RAD54L2: variants seen among roughly 807,000 people sequenced by gnomAD.
RAD54L2 encodes helicase ARIP4.
Under a neutral mutation model 138.4 loss-of-function variants are expected in RAD54L2, and 27 were observed. The ratio of observed to expected loss-of-function variants is 0.20; its 90% CI spans 0.14 to 0.27. RAD54L2 has a LOEUF of 0.27. Among genes scored for constraint, RAD54L2 ranks in the 10% least tolerant of loss-of-function variants. RAD54L2 has a pLI of 1.00. For synonymous variants in RAD54L2, 644 were observed against 723.2 expected, an observed-to-expected ratio of 0.89 and a Z score of 1.76; for missense variants, 1,396 against 1,890.2, an observed-to-expected ratio of 0.74 and a Z score of 4.85.
At chr3:51,591,683 A>G (rs1699844065) in intron 3 of RAD54L2, among the ~76,000 whole-genome samples, 1 of 152,202 alleles carries the variant, frequency 6.6e-6, no homozygotes, top group Non-Finnish European at 1.5e-5. Context: ...TAGAATGAAT[A>G]GAAATAATGG....
chr3:51,576,019 T>C (rs1252692065), intron 2 of RAD54L2, among the ~76,000 whole-genome samples: 2 of 152,178 alleles, frequency 1.3e-5, no homozygotes, highest in African/African-American at 4.8e-5. Context: ...TGAGATATGT[T>C]CCATCAATAC....
At chr3:51,620,023 G>A (rs1278078924) in intron 3 of RAD54L2, among the ~76,000 whole-genome samples, 1 of 152,126 alleles carries the variant, frequency 6.6e-6, no homozygotes, top group Non-Finnish European at 1.5e-5. Context: ...CACAGACATC[G>A]TAGCTTGTAG....
intron 19 of RAD54L2, among the ~76,000 whole-genome samples, chr3:51,651,886 A>T (rs776370993): frequency 6.6e-6 from 1 of 152,212 alleles, no homozygotes; most frequent in Non-Finnish European, 1.5e-5. Flanking sequence ...CAAGACTGGG[A>T]TGCTCTCTCT....
Position 51,639,540 on chromosome 3 carries a change from G to C in RAD54L2, c.1982G>C (p.Gly661Ala), listed in dbSNP as rs1701072989. The part of the protein sequence containing the change: ...AGTSARCPPQ[G>A]TKGKGEDSTL... ...ACCAGTGCCCGCTGTCCACCACAGG[G>C]AACAAAAGGCAAGGGAGAGGATAGC... Residue 661 changes from glycine (G) to alanine (A), a missense_variant, in exon 13 of 23, where the codon GGA becomes GCA. Gly to Ala is a moderately conservative substitution (Grantham distance 60, BLOSUM62 0). Transcript: ENST00000684192. The C allele has an allele frequency of 3.7e-6, 6 of 1,613,980 alleles. No homozygotes were observed. Among genetic ancestry groups the C allele is most frequent in the South Asian group, 1.1e-5 (1 of 91,078 alleles).
At chr3:51,651,136 C>T (rs1466406179) in intron 19 of RAD54L2, among the ~76,000 whole-genome samples, 1 of 152,146 alleles carries the variant, frequency 6.6e-6, no homozygotes, top group Non-Finnish European at 1.5e-5. Context: ...TACAAACTAG[C>T]ATCAGAGAAT....
chr3:51,642,102 C>T (rs549792354), intron 15 of RAD54L2, among the ~76,000 whole-genome samples: 2 of 152,284 alleles, frequency 1.3e-5, no homozygotes, highest in East Asian at 3.9e-4. Flanking sequence ...TCCTTCTCTT[C>T]ATCTGAGATG....
At chr3:51,608,726 T>C (rs374586430) in intron 3 of RAD54L2, among the ~76,000 whole-genome samples, 8 of 152,142 alleles carry the variant, frequency 5.3e-5, no homozygotes, top group East Asian at 1.9e-4. Flanking sequence ...CTCGGCAGGC[T>C]GAGGCAGGAG....
rs768354274 is a variant in RAD54L2, at chr3:51,626,436, CTT to C, written c.140-1092_140-1091del. On this transcript the variant is annotated intron_variant, in intron 3 of 22. Transcript: ENST00000684192. ...TGACATCCCCTGGACCCCCAACGATCTTTTTTTTTTTTTTTTTTTTTTTTTTA... is the reference window on the plus strand; with the variant it reads ...TGACATCCCCTGGACCCCCAACGATCTTTTTTTTTTTTTTTTTTTTTTTTA... 2.1e-3 allele frequency among the ~76,000 whole-genome samples: 83 copies of C among 39,392 alleles called. 2 individuals are homozygous for C. The highest frequency in any genetic ancestry group is 5.9e-3 in the South Asian group (4 of 678). The allele number at this position is 39,392 out of a possible 152,430, so 25.8% of individuals were successfully genotyped here.
chr3:51,589,794 G>A (rs886230488), intron 2 of RAD54L2, among the ~76,000 whole-genome samples: 1 of 151,786 alleles, frequency 6.6e-6, no homozygotes, highest in African/African-American at 2.4e-5. Context: ...TGAACAAATG[G>A]GATTTCCAAG....
intron 15 of RAD54L2, among the ~76,000 whole-genome samples, chr3:51,642,892 C>A (rs1247804117): frequency 6.6e-6 from 1 of 152,204 alleles, no homozygotes; most frequent in East Asian, 1.9e-4. Flanking sequence ...GACATAGAAC[C>A]CCAGTACCAA....
Position 51,662,633 on chromosome 3 carries a change from C to T in RAD54L2, c.3617C>T (p.Pro1206Leu), listed in dbSNP as rs778374077. 1.3e-5 allele frequency: 21 copies of T among 1,612,190 alleles called. No individual in the cohort carries two copies. The highest frequency in any genetic ancestry group is 7.7e-5 in the South Asian group (7 of 90,794). ...PSTNAALPGPPAQLMDSSAVP... is the reference protein window; with the variant it reads ...PSTNAALPGPLAQLMDSSAVP... ...ACCAATGCCGCCCTGCCTGGCCCCCCGGCCCAACTTATGGACAGCAGTGCT... is the reference window on the plus strand; with the variant it reads ...ACCAATGCCGCCCTGCCTGGCCCCCTGGCCCAACTTATGGACAGCAGTGCT... The change falls in exon 23 of 23, where the codon CCG (proline) becomes CTG (leucine). Residue 1206 changes from proline to leucine, a missense_variant. Pro to Leu is a moderately conservative substitution (Grantham distance 98). Transcript: ENST00000684192. The surrounding 1 kb of genome is among the most constrained non-coding windows in gnomAD (Gnocchi z 4.6).
intron 2 of RAD54L2, among the ~76,000 whole-genome samples, chr3:51,571,647 C>T (rs1228227772): frequency 6.6e-6 from 1 of 151,972 alleles, no homozygotes; most frequent in African/African-American, 2.4e-5. Context: ...GGATTACAGG[C>T]GTGAACCACC....
intron 10 of RAD54L2, among the ~76,000 whole-genome samples, chr3:51,636,758 A>C (rs12496340): frequency 0.11 from 17,066 of 151,948 alleles, 1,898 homozygotes; most frequent in East Asian, 0.33. Context: ...ATGGTGAAAC[A>C]CCATCTCTAC....
At position 51,637,182 on chromosome 3, in the gene RAD54L2, G is replaced by A. The variant is rs140004076; in HGVS notation, c.1361G>A (p.Arg454His). 5.4e-5 allele frequency: 86 copies of A among 1,584,916 alleles called. No homozygotes were observed. Among genetic ancestry groups the A allele is most frequent in the Non-Finnish European group, 7.0e-5 (82 of 1,165,472 alleles). The change falls in exon 11 of 23, where the codon CGC becomes CAC. Residue 454 changes from arginine (R) to histidine (H), a missense_variant. Around this residue, in one of 7 missense-constraint regions of RAD54L2, gnomAD observed 169 missense variants for 235.6 expected, o/e 0.72. Transcript: ENST00000684192. The surrounding 1 kb of genome is among the most constrained non-coding windows in gnomAD (Gnocchi z 5.9). ...CTAGAGTTTGAGAAGGCTTTATGCC[G>A]CCCTGGCCCTGATGTAGTAATCTGT... Reference protein sequence around the residue: ...FRREFEKALCRPGPDVVICDE... With the variant: ...FRREFEKALCHPGPDVVICDE...
intron 1 of RAD54L2, among the ~76,000 whole-genome samples, chr3:51,539,491 A>C (rs1698498743): frequency 6.6e-6 from 1 of 152,074 alleles, no homozygotes; most frequent in African/African-American, 2.4e-5. Context: ...AGAGAGCTGG[A>C]TCCTCCGGGG....
At chr3:51,603,773 C>T (rs963995972) in intron 3 of RAD54L2, among the ~76,000 whole-genome samples, 14 of 152,096 alleles carry the variant, frequency 9.2e-5, no homozygotes, top group African/African-American at 3.4e-4. Context: ...TGTACTCCCA[C>T]CTCAGCCTTC....
intron 21 of RAD54L2, among the ~76,000 whole-genome samples, chr3:51,659,061 T>C (rs531468422): frequency 1.3e-4 from 19 of 151,524 alleles, no homozygotes; most frequent in African/African-American, 3.6e-4. Context: ...AGAGACCTTA[T>C]GGCTTATAAA....
intron 16 of RAD54L2, among the ~76,000 whole-genome samples, chr3:51,644,769 C>CG (rs1322874050): frequency 1.3e-5 from 2 of 152,084 alleles, no homozygotes; most frequent in Non-Finnish European, 2.9e-5. Flanking sequence ...GGCCAGGATG[C>CG]GGGGGCCTTA....
Position 51,598,149 on chromosome 3 carries a change from ATGTGTGTGTG to A in RAD54L2, c.139+7610_139+7619del, listed in dbSNP as rs778223606. ...TATATATATATGTGTGTATATATAT[ATGTGTGTGTG>A]TGTGTGTGTGTGTGTGTGTATATAT... On this transcript the variant is annotated intron_variant, in intron 3 of 22. Transcript: ENST00000684192. Among the ~76,000 whole-genome samples, 18 of 128,442 alleles carry A rather than the reference ATGTGTGTGTG, an allele frequency of 1.4e-4. No homozygotes were observed. In the South Asian group the frequency reaches 2.2e-3, roughly 16 times the overall value. The allele number at this position is 128,442 out of a possible 152,430, so 84.3% of individuals were successfully genotyped here.
Sources: allele counts gnomAD v4.1 joint callset (sites outside exome capture counted in the v4.1 genomes callset), GRCh38; gene constraint gnomAD v4.1.1; regional missense constraint gnomAD v4.1.1; non-coding constraint Gnocchi (gnomAD v3.1); transcripts MANE v1.5; gene names NCBI Gene and HGNC (gene_info 2026-07-23, HGNC 2026-07-21).